BPIFB6: variants seen among roughly 807,000 people sequenced by gnomAD.
The protein encoded by BPIFB6 is BPI fold containing family B member 6, also known as BPI fold-containing family B member 6.
Under a neutral mutation model 54.7 loss-of-function variants are expected in BPIFB6, and 47 were observed. The observed-to-expected ratio is 0.86, with a 90% CI of 0.68 to 1.10. The LOEUF is 1.10. Among genes scored for constraint, BPIFB6 ranks in the 50% least tolerant of loss-of-function variants. BPIFB6 has a pLI of 0.00. For synonymous variants in BPIFB6, 255 were observed against 225.9 expected (o/e 1.13, Z -1.16); for missense variants, 603 against 564.1 (o/e 1.07, Z -0.70).
chr20:33,042,871 T>A lies in BPIFB6; in HGVS notation c.1245T>A (p.Val415=), dbSNP rs144981340. 1.6e-4 allele frequency: 259 copies of A among 1,613,928 alleles called. 1 individual carries two copies. The highest frequency in any genetic ancestry group is 2.7e-4 in the Admixed American group (16 of 59,982). Residue 415 remains valine (V), a synonymous_variant, in exon 13 of 15, where the codon GTT becomes GTA. Coordinates refer to ENST00000349552, the MANE Select transcript of BPIFB6 (RefSeq NM_174897.2). ...ATCTCGAAGAAGCCTACATCCCAGT[T>A]GTCAATGGTGAGGGTTCCAAAAGGC... ...TSYLEEAYIP[V]VNDVLQVGLP...
chr20:33,042,440 G>A (rs1337236914), intron 12 of BPIFB6, among the ~76,000 whole-genome samples: 4 of 152,050 alleles, frequency 2.6e-5, no homozygotes, highest in African/African-American at 9.7e-5. Flanking sequence ...GAGCAGGTGC[G>A]ATTATAGTTC....
At position 33,035,682 on chromosome 20, in the gene BPIFB6, G is replaced by A. The variant is rs758104422; in HGVS notation, c.577+10G>A. 2 of 1,613,320 alleles carry A rather than the reference G, an allele frequency of 1.2e-6. No homozygotes were observed. Among genetic ancestry groups the A allele is most frequent in the Non-Finnish European group, 1.7e-6 (2 of 1,179,268 alleles). On this transcript the variant is annotated intron_variant, in intron 6 of 14. Coordinates refer to ENST00000349552, the MANE Select transcript of BPIFB6 (RefSeq NM_174897.2). ...TGGACCAACCTCAGTGGTGAGTGTA[G>A]CCCTACCCACACCTTGCCCCTACCT...
intron 5 of BPIFB6, 151 bp downstream of exon 5, chr20:33,035,295 G>T: frequency 1.2e-6 from 1 of 806,780 alleles, no homozygotes; most frequent in Non-Finnish European, 2.0e-6. Flanking sequence ...GGAAGAAAGT[G>T]CCACAATCAT....
intron 10 of BPIFB6, 63 bp downstream of exon 10, chr20:33,039,583 T>C (rs1979491297): frequency 6.6e-7 from 1 of 1,524,082 alleles, no homozygotes. Context: ...GGCTGGAGGA[T>C]GGGATTTTTA....
chr20:33,039,719 C>A (rs1979496692), intron 10 of BPIFB6, among the ~76,000 whole-genome samples, 199 bp downstream of exon 10: 1 of 152,240 alleles, frequency 6.6e-6, no homozygotes, highest in Non-Finnish European at 1.5e-5. Flanking sequence ...CTTAGTCCTT[C>A]CTTTCTCTTT....
In BPIFB6 at chr20:33,036,470, C is replaced by T. The variant is rs1221475608; in HGVS notation, c.603C>T (p.Gly201=). The T allele has an allele frequency of 6.2e-7, 1 of 1,613,744 alleles. No individual in the cohort carries two copies. Among genetic ancestry groups the T allele is most frequent in the African/African-American group, 1.3e-5 (1 of 74,930 alleles). The change falls in exon 7 of 15, where the codon GGC becomes GGT. Residue 201 remains glycine, a synonymous_variant. Coordinates refer to ENST00000349552, the MANE Select transcript of BPIFB6 (RefSeq NM_174897.2). ...ACCCCATGCCTGTGGGCCAGATGGG[C>T]ACCGTCAAATATGTTCTGATGTCCG... ...LSDPMPVGQM[G]TVKYVLMSAP...
intron 3 of BPIFB6, 147 bp from the exon 4 acceptor site, chr20:33,034,616 G>A (rs1164971351): frequency 3.4e-6 from 3 of 889,120 alleles, no homozygotes; most frequent in Non-Finnish European, 5.2e-6. Context: ...TGTCACCTGG[G>A]GCAGGTCCCA....
At chr20:33,044,099 C>G, downstream of BPIFB6, 1 of 1,609,334 alleles carries the variant, frequency 6.2e-7, no homozygotes. Flanking sequence ...CCACCTGCAC[C>G]CCATGGAGGA....
At chr20:33,042,975 C>T in intron 13 of BPIFB6, 97 bp downstream of exon 13, 1 of 1,102,150 alleles carries the variant, frequency 9.1e-7, no homozygotes, top group Non-Finnish European at 1.3e-6. Context: ...TCACTGGGCC[C>T]AGATGGGGGA....
intron 13 of BPIFB6, 126 bp from the exon 14 acceptor site, chr20:33,043,165 C>T (rs411001): frequency 0.11 from 98,700 of 863,594 alleles, 6,252 homozygotes; most frequent in Non-Finnish European, 0.14. Flanking sequence ...TAGCTCTTTG[C>T]TTGTACAGCT....
rs1219302157 is a variant in BPIFB6 at position 33,032,982 on chromosome 20, A to G, written c.98-2A>G. On this transcript the variant is annotated splice_acceptor_variant, in intron 1 of 14. Coordinates refer to ENST00000349552, the MANE Select transcript of BPIFB6 (RefSeq NM_174897.2). LOFTEE classifies it high-confidence loss of function. Reference sequence around the variant, plus strand: ...CTCTCCAACTAAGTGTCTCCACTCCAGAGGTCCAGAGCGCCATGGATGAGA... The same window carrying G: ...CTCTCCAACTAAGTGTCTCCACTCCGGAGGTCCAGAGCGCCATGGATGAGA... 1 of 1,613,038 alleles carries G rather than the reference A, an allele frequency of 6.2e-7. No homozygotes were observed. The highest frequency in any genetic ancestry group is 1.3e-5 in the African/African-American group (1 of 74,910).
intron 11 of BPIFB6, among the ~76,000 whole-genome samples, chr20:33,041,048 G>A (rs1417371224): frequency 6.7e-6 from 1 of 148,306 alleles, no homozygotes; most frequent in Non-Finnish European, 1.5e-5. Context: ...GGAGTGCAGT[G>A]GCGCAATCTC....
chr20:33,039,324 G>A, intron 9 of BPIFB6, 23 bp from the exon 10 acceptor site: 1 of 1,589,402 alleles, frequency 6.3e-7, no homozygotes, highest in Non-Finnish European at 8.6e-7. Flanking sequence ...CTGGCCCTGA[G>A]TGAAGTGTTC....
At chr20:33,041,858 C>A (rs1379880729) in intron 11 of BPIFB6, 112 bp from the exon 12 acceptor site, 1 of 922,594 alleles carries the variant, frequency 1.1e-6, no homozygotes, top group East Asian at 2.6e-5. Flanking sequence ...GAGGGGACTC[C>A]TGCATCAGGG....
intron 9 of BPIFB6, 78 bp downstream of exon 9, chr20:33,039,040 GGGA>G: frequency 2.0e-6 from 3 of 1,466,088 alleles, no homozygotes; most frequent in Non-Finnish European, 2.8e-6. Context: ...AGTGGGACTT[GGGA>G]GACAGCTTTT....
At chr20:33,036,576 T>C in intron 7 of BPIFB6, 40 bp downstream of exon 7, 2 of 1,539,158 alleles carry the variant, frequency 1.3e-6, no homozygotes, top group South Asian at 1.1e-5. Flanking sequence ...GGTCTCAGGC[T>C]CACTGGTCTG....
rs151289682 is a variant in BPIFB6, at chr20:33,036,446, C to A, written c.579C>A (p.Asp193Glu). 2,081 of 1,611,870 alleles carry A rather than the reference C, an allele frequency of 1.3e-3. 15 individuals carry two copies. In the African/African-American group the frequency reaches 0.02, roughly 15 times the overall value. Residue 193 changes from aspartate (D) to glutamate (E), a missense_variant and splice_region_variant, in exon 7 of 15, where the codon GAC becomes GAA. Asp to Glu is a conservative substitution (Grantham distance 45). Transcript: ENST00000349552. ...YVNRKWTNLS[D>E]PMPVGQMGTV... ...GAGTGGAACCTCCTTTTCACACAGA[C>A]CCCATGCCTGTGGGCCAGATGGGCA...
At chr20:33,033,938 C>T (rs746492871) in intron 2 of BPIFB6, among the ~76,000 whole-genome samples, 4 of 152,094 alleles carry the variant, frequency 2.6e-5, no homozygotes, top group Non-Finnish European at 5.9e-5. Flanking sequence ...ATGACACAGC[C>T]CAAGGTCACA....
intron 11 of BPIFB6, 119 bp downstream of exon 11, chr20:33,040,437 C>G (rs543784472): frequency 4.4e-6 from 4 of 905,664 alleles, no homozygotes; most frequent in Admixed American, 4.0e-5. Flanking sequence ...CCAGGCTGCT[C>G]TAGCTACTTT....
Sources: gnomAD v4.1 joint callset for allele counts (sites outside exome capture counted in the v4.1 genomes callset) on GRCh38, gnomAD v4.1.1 for gene constraint, MANE v1.5 for transcripts, NCBI Gene and HGNC (gene_info 2026-07-23, HGNC 2026-07-21) for gene names.